Variants in NAV3 observed in about 807,000 individuals in gnomAD.
The protein encoded by NAV3 is pore membrane and/or filament interacting like protein 1.
NAV3 carries 87 observed loss-of-function variants against 244.7 expected under a neutral mutation model. That is an observed-to-expected ratio of 0.36 (90% CI 0.30 to 0.42). The LOEUF is 0.42. Ranked by LOEUF, NAV3 falls within the 20% of genes least tolerant of loss-of-function variation. The pLI, the probability that NAV3 is intolerant of heterozygous loss-of-function variation, is 1.00. For synonymous variants in NAV3, 1,126 were observed against 1,042.2 expected, an observed-to-expected ratio of 1.08 and a Z score of -1.55; for missense variants, 2,663 against 2,893.3, an observed-to-expected ratio of 0.92 and a Z score of 1.83.
At chr12:78,043,001 T>C (rs1275888315) in intron 9 of NAV3, among the ~76,000 whole-genome samples, 1 of 152,116 alleles carries the variant, frequency 6.6e-6, no homozygotes, top group Admixed American at 6.6e-5. Flanking sequence ...GTTACATAGA[T>C]GTATACATGC....
At chr12:78,121,836 C>T (rs571272942) in intron 15 of NAV3, 104 bp from the exon 16 acceptor site, 1 of 1,409,458 alleles carries the variant, frequency 7.1e-7, no homozygotes. Context: ...CTTTGTAGTT[C>T]AGTACATCAA....
chr12:77,707,014 T>A (rs916020459), intron 2 of NAV3, among the ~76,000 whole-genome samples: 1 of 151,532 alleles, frequency 6.6e-6, no homozygotes, highest in African/African-American at 2.4e-5. Context: ...ACGAAATTCC[T>A]ACTTCCTCTT....
intron 21 of NAV3, among the ~76,000 whole-genome samples, chr12:78,148,283 C>A (rs939320882): frequency 6.6e-6 from 1 of 151,914 alleles, no homozygotes. Context: ...GAAACTCCAG[C>A]CAATAACAAT....
At chr12:77,693,998 A>G (rs1875164319) in intron 2 of NAV3, among the ~76,000 whole-genome samples, 1 of 152,118 alleles carries the variant, frequency 6.6e-6, no homozygotes, top group Non-Finnish European at 1.5e-5. Context: ...CACCTTGCAT[A>G]TTCCTGGGGG....
At chr12:77,659,275 C>G (rs10859158) in intron 2 of NAV3, among the ~76,000 whole-genome samples, 26,251 of 149,904 alleles carry the variant, frequency 0.18, 3,091 homozygotes, top group African/African-American at 0.33. Context: ...AAAAAACAAA[C>G]AACCCCATGA....
At chr12:77,858,487 T>C (rs1592802067) in intron 1 of NAV3, among the ~76,000 whole-genome samples, 1 of 152,208 alleles carries the variant, frequency 6.6e-6, no homozygotes, top group South Asian at 2.1e-4. Flanking sequence ...ACCAGCTATT[T>C]ACATACAATA....
intron 2 of NAV3, among the ~76,000 whole-genome samples, chr12:77,588,763 T>C: frequency 6.6e-6 from 1 of 152,240 alleles, no homozygotes; most frequent in Non-Finnish European, 1.5e-5. Flanking sequence ...AGTACAGGTA[T>C]GAATTGTGAA....
At chr12:78,178,010 T>G (rs79846707) in intron 28 of NAV3, among the ~76,000 whole-genome samples, 1 of 53,844 alleles carries the variant, frequency 1.9e-5, no homozygotes, top group Non-Finnish European at 5.6e-5. Flanking sequence ...TATATTATGT[T>G]TTTTTTTTCT....
rs1592501730 is a variant in NAV3, at chr12:77,610,691, T to C, written c.72+38425T>C. Among the ~76,000 whole-genome samples, 3 of 152,198 alleles carry C rather than the reference T, an allele frequency of 2.0e-5. No homozygotes were observed. In the East Asian group the frequency reaches 5.8e-4, roughly 29 times the overall value. ...TCAGAATTTCAAAGAACATTTCATA[T>C]GTGACTGAACTATGAGGCTTTCTGT... is the stretch of plus-strand genomic sequence containing the variant. On this transcript the variant is annotated intron_variant, in intron 2 of 8. Transcript: ENST00000550042.
intron 5 of NAV3, among the ~76,000 whole-genome samples, chr12:77,974,588 A>C (rs1046357424): frequency 9.1e-4 from 138 of 152,216 alleles, no homozygotes; most frequent in African/African-American, 3.2e-3. Flanking sequence ...CTGAGCCATC[A>C]TTCCCAGATG....
chr12:77,664,544 A>C (rs1873627705), intron 2 of NAV3, among the ~76,000 whole-genome samples: 1 of 152,136 alleles, frequency 6.6e-6, no homozygotes, highest in African/African-American at 2.4e-5. Context: ...TCTAGGGAAA[A>C]TATATTATTT....
chr12:77,891,391 C>T (rs1883921669), intron 1 of NAV3, among the ~76,000 whole-genome samples: 1 of 151,504 alleles, frequency 6.6e-6, no homozygotes, highest in Admixed American at 6.6e-5. Flanking sequence ...CTATGGTGAG[C>T]ATCTTTTTCA....
intron 1 of NAV3, among the ~76,000 whole-genome samples, chr12:77,913,494 G>T (rs771266305): frequency 6.6e-6 from 1 of 151,896 alleles, no homozygotes; most frequent in African/African-American, 2.4e-5. Context: ...GTGCAGTGGC[G>T]CAATCTCGAT....
chr12:78,198,984 C>G, intron 36 of NAV3: 3 of 446,078 alleles, frequency 6.7e-6, no homozygotes, highest in Non-Finnish European at 8.2e-6. Context: ...CACTATGTCC[C>G]TGGTTAAAGT....
chr12:77,778,986 C>T (rs1870531362), intron 2 of NAV3, among the ~76,000 whole-genome samples: 1 of 152,170 alleles, frequency 6.6e-6, no homozygotes, highest in Admixed American at 6.5e-5. Context: ...TTAAGGAAAA[C>T]ACATTAATGG....
In NAV3 at chr12:78,207,046, C is replaced by T. The variant is rs763743909; in HGVS notation, c.7038+1908C>T. On this transcript the variant is annotated intron_variant, in intron 39 of 39. Coordinates refer to ENST00000397909, the MANE Select transcript of NAV3 (RefSeq NM_001024383.2). ...GCTAATTTTGTATTTTTAATAGAGACGGGGTTTCTCTATGTTGATCAGACT... is the reference window on the plus strand; with the variant it reads ...GCTAATTTTGTATTTTTAATAGAGATGGGGTTTCTCTATGTTGATCAGACT... 2.6e-4 allele frequency among the ~76,000 whole-genome samples: 39 copies of T among 151,704 alleles called. 1 individual carries two copies. Among genetic ancestry groups the T allele is most frequent in the Admixed American group, 5.9e-4 (9 of 15,206 alleles).
At chr12:77,991,688 T>C (rs1393583380) in intron 5 of NAV3, among the ~76,000 whole-genome samples, 1 of 152,156 alleles carries the variant, frequency 6.6e-6, no homozygotes, top group Non-Finnish European at 1.5e-5. Context: ...AAACCCCTCT[T>C]GTCTTTTATC....
chr12:77,708,676 T>C (rs1047737190), intron 2 of NAV3, among the ~76,000 whole-genome samples: 1 of 152,236 alleles, frequency 6.6e-6, no homozygotes, highest in African/African-American at 2.4e-5. Context: ...ACGATACTGA[T>C]TCTTCCTATC....
chr12:77,798,474 A>G (rs993879229), intron 2 of NAV3, among the ~76,000 whole-genome samples: 1 of 152,108 alleles, frequency 6.6e-6, no homozygotes, highest in Non-Finnish European at 1.5e-5. Flanking sequence ...AATTATGAAG[A>G]GTATTTGATT....
Sources: allele counts gnomAD v4.1 joint callset (sites outside exome capture counted in the v4.1 genomes callset), GRCh38; gene constraint gnomAD v4.1.1; transcripts MANE v1.5; gene names NCBI Gene and HGNC (gene_info 2026-07-23, HGNC 2026-07-21).